The following MTMR8 variants were observed in gnomAD, a reference collection of about 807,000 sequenced individuals.
MTMR8 encodes phosphatidylinositol-3,5-bisphosphate 3-phosphatase MTMR8.
In MTMR8, 65 loss-of-function variants were observed where a neutral mutation model predicts 39.3. That is an observed-to-expected ratio of 1.65 (90% confidence interval 1.35 to 2.03). MTMR8 has a LOEUF of 2.03. Among genes scored for constraint, MTMR8 ranks in the 30% most tolerant of loss-of-function variants. MTMR8 has a pLI of 0.00. For synonymous variants in MTMR8, 245 were observed against 185.2 expected (o/e 1.32, Z -2.62); for missense variants, 777 against 538.9 (o/e 1.44, Z -4.37).
chrX:64,345,627 A>G (rs1234263208), intron 6 of MTMR8, among the ~76,000 whole-genome samples: 1 of 111,688 alleles, frequency 9.0e-6, no homozygotes, highest in Non-Finnish European at 1.9e-5. Flanking sequence ...TTATTTATTT[A>G]AGAGACAGTG....
At chrX:64,334,845 A>G (rs1464742714) in intron 10 of MTMR8, among the ~76,000 whole-genome samples, 1 of 112,069 alleles carries the variant, frequency 8.9e-6, no homozygotes, top group Non-Finnish European at 1.9e-5. Context: ...TCTTTGCCCC[A>G]GAATGGATAA....
chrX:64,288,716 C>G (rs1033668579), intron 12 of MTMR8, among the ~76,000 whole-genome samples: 1 of 111,156 alleles, frequency 9.0e-6, no homozygotes, highest in African/African-American at 3.3e-5. Flanking sequence ...ATGTCCTTTG[C>G]AGGGACATGG....
At chrX:64,359,624 AC>A in intron 1 of MTMR8, 97 bp from the exon 2 acceptor site, 1 of 911,594 alleles carries the variant, frequency 1.1e-6, no homozygotes, top group Non-Finnish European at 1.5e-6. Flanking sequence ...TTAATTTGCT[AC>A]AAAACTCGAG....
chrX:64,345,763 C>T (rs531877323), intron 6 of MTMR8, among the ~76,000 whole-genome samples: 1 of 111,458 alleles, frequency 9.0e-6, no homozygotes. Flanking sequence ...CAGGCACGTA[C>T]CACCATGCCT....
rs776053407 is a variant in MTMR8 at position 64,342,270 on chromosome X, A to G, written c.975+1341T>C. Among the ~76,000 whole-genome samples, 7 of 112,778 alleles carry G rather than the reference A, an allele frequency of 6.2e-5. No homozygotes were observed. In the East Asian group the frequency reaches 1.7e-3, roughly 27 times the overall value. Reference sequence around the variant, plus strand: ...AGAGAAATAGCAGTGGAGACTGGGAAGAAAGGACAGATTTGAGAAACACTT... The same window carrying G: ...AGAGAAATAGCAGTGGAGACTGGGAGGAAAGGACAGATTTGAGAAACACTT... On this transcript the variant is annotated intron_variant, in intron 8 of 13. Coordinates refer to ENST00000374852, the MANE Select transcript of MTMR8 (RefSeq NM_017677.4).
In MTMR8 at chrX:64,388,851, G is replaced by A. The variant is rs769628241; in HGVS notation, c.24+6489C>T. On this transcript the variant is annotated intron_variant, in intron 1 of 13. Transcript: ENST00000374852. ...AACGTTCACTATGAATCTCCACAGT[G>A]TTTGTGGTGTTAATATATTTTACCT... Among the ~76,000 whole-genome samples the A allele has an allele frequency of 2.7e-5, 3 of 112,156 alleles. No homozygotes were observed. The Admixed American group carries it at 2.8e-4, about 11-fold the overall frequency.
chrX:64,294,622 T>C (rs1276286789), intron 12 of MTMR8, among the ~76,000 whole-genome samples: 1 of 111,797 alleles, frequency 8.9e-6, no homozygotes, highest in East Asian at 2.8e-4. Context: ...AGATATTTAT[T>C]CCTCACAGTC....
chrX:64,345,701 C>T (rs1415400129), intron 6 of MTMR8, among the ~76,000 whole-genome samples: 1 of 111,988 alleles, frequency 8.9e-6, no homozygotes, highest in Non-Finnish European at 1.9e-5. Flanking sequence ...CAGCCTTGAA[C>T]TCCTGGGCTC....
At chrX:64,282,525 C>T (rs1352690705) in intron 12 of MTMR8, among the ~76,000 whole-genome samples, 1 of 111,163 alleles carries the variant, frequency 9.0e-6, no homozygotes, top group Non-Finnish European at 1.9e-5. Context: ...AAAAAATAGA[C>T]AACAAAAAGA....
intron 12 of MTMR8, among the ~76,000 whole-genome samples, chrX:64,283,849 G>A (rs1210716432): frequency 1.8e-5 from 2 of 111,922 alleles, no homozygotes; most frequent in East Asian, 2.8e-4. Flanking sequence ...AAGACCAAAG[G>A]TAGATAAAAC....
intron 12 of MTMR8, among the ~76,000 whole-genome samples, chrX:64,283,261 G>A (rs1921027606): frequency 8.9e-6 from 1 of 111,976 alleles, no homozygotes; most frequent in Admixed American, 9.5e-5. Context: ...CTGCAAGGCA[G>A]CAGTGAGGCT....
At chrX:64,362,205 C>T (rs1923799133) in intron 1 of MTMR8, among the ~76,000 whole-genome samples, 1 of 108,410 alleles carries the variant, frequency 9.2e-6, no homozygotes, top group South Asian at 3.9e-4. Context: ...TGTCTATGCT[C>T]TTGGATAGGC....
chrX:64,269,239 T>C (rs1931702155), intron 13 of MTMR8, among the ~76,000 whole-genome samples, 196 bp from the exon 14 acceptor site: 1 of 111,434 alleles, frequency 9.0e-6, no homozygotes, highest in Non-Finnish European at 1.9e-5. Context: ...TTGAAGAATG[T>C]CAAAGGTCTT....
In MTMR8 at chrX:64,283,674, G is replaced by A. The variant is rs1037915952; in HGVS notation, c.1482-12601C>T. Among the ~76,000 whole-genome samples the A allele has an allele frequency of 1.6e-4, 18 of 112,383 alleles. No homozygotes were observed. The East Asian group carries it at 2.5e-3, about 16-fold the overall frequency. ...CAACATTTGCTGTTGAGCAATATTC[G>A]CTGTTCTGCAGCCTCTGCTGCTGAT... On this transcript the variant is annotated intron_variant, in intron 12 of 13. Coordinates refer to ENST00000374852, the MANE Select transcript of MTMR8 (RefSeq NM_017677.4).
At chrX:64,281,898 G>C (rs1192606026) in intron 12 of MTMR8, among the ~76,000 whole-genome samples, 37 of 104,942 alleles carry the variant, frequency 3.5e-4, no homozygotes, top group African/African-American at 1.2e-3. Context: ...ATCAAAAAGA[G>C]GGCAAAGGAC....
In MTMR8 at chrX:64,268,959, G is replaced by C; in HGVS notation, c.1693C>G (p.Pro565Ala). Residue 565 changes from proline (P) to alanine (A), a missense_variant, in exon 14 of 14, where the codon CCT becomes GCT. Physicochemically the swap from Pro to Ala is conservative, Grantham distance 27. Coordinates refer to ENST00000374852, the MANE Select transcript of MTMR8 (RefSeq NM_017677.4). ...ATAAAGCCAAGAGGATTGGTCAAAG[G>C]ACTTCCCAGATGCTGGGATAATATG... ...GNILSQHLGS[P>A]LTNPLGFMGI... is the part of the protein sequence containing the mutation. 6 of 1,211,337 alleles carry C rather than the reference G, an allele frequency of 5.0e-6. No individual in the cohort carries two copies. The highest frequency in any genetic ancestry group is 5.6e-6 in the Non-Finnish European group (5 of 895,195).
chrX:64,293,791 T>G (rs1921477951), intron 12 of MTMR8, among the ~76,000 whole-genome samples: 2 of 112,143 alleles, frequency 1.8e-5, no homozygotes, highest in African/African-American at 6.5e-5. Flanking sequence ...AGGATGATTA[T>G]GTAAAGGAGC....
At chrX:64,383,329 T>A (rs1266140461) in intron 1 of MTMR8, among the ~76,000 whole-genome samples, 1 of 109,930 alleles carries the variant, frequency 9.1e-6, no homozygotes, top group Non-Finnish European at 1.9e-5. Flanking sequence ...TAGCTACAGA[T>A]ATATTTTAAC....
At chrX:64,272,553 C>T (rs1204529083) in intron 12 of MTMR8, among the ~76,000 whole-genome samples, 1 of 111,025 alleles carries the variant, frequency 9.0e-6, no homozygotes, top group Non-Finnish European at 1.9e-5. Context: ...ATTAGCAGAC[C>T]AATATATGCA....
Sources: gnomAD v4.1 joint callset for allele counts (sites outside exome capture counted in the v4.1 genomes callset) on GRCh38, gnomAD v4.1.1 for gene constraint, MANE v1.5 for transcripts, NCBI Gene and HGNC (gene_info 2026-07-23, HGNC 2026-07-21) for gene names.